PIEZO1: variants seen among roughly 807,000 people sequenced by gnomAD.
PIEZO1 encodes piezo type mechanosensitive ion channel component 1 (Er blood group).
Under a neutral mutation model 297.2 loss-of-function variants are expected in PIEZO1, and 296 were observed. That is an observed-to-expected ratio of 1.00 (90% CI 0.91 to 1.10). PIEZO1 has a LOEUF of 1.10. Ranked by LOEUF, PIEZO1 falls within the 50% of genes least tolerant of loss-of-function variation. PIEZO1 has a pLI of 0.00. For synonymous variants in PIEZO1, 2,427 were observed against 1,507.5 expected, an observed-to-expected ratio of 1.61 and a Z score of -14.13; for missense variants, 5,018 against 3,455.5, an observed-to-expected ratio of 1.45 and a Z score of -11.34.
intron 44 of PIEZO1, 163 bp from the exon 45 acceptor site, chr16:88,717,374 A>G: frequency 1.5e-6 from 1 of 672,166 alleles, no homozygotes; most frequent in Admixed American, 2.1e-5. Flanking sequence ...GAGTAGAACT[A>G]AGAGTCCAGT....
intron 1 of PIEZO1, among the ~76,000 whole-genome samples, chr16:88,762,487 A>G (rs1457300123): frequency 6.6e-6 from 1 of 152,154 alleles, no homozygotes; most frequent in African/African-American, 2.4e-5. Flanking sequence ...GACCCCCTCC[A>G]GCCCCAAGGA....
intron 1 of PIEZO1, among the ~76,000 whole-genome samples, chr16:88,774,156 C>T (rs10445034): frequency 0.19 from 28,184 of 152,234 alleles, 2,989 homozygotes; most frequent in Middle Eastern, 0.3. Context: ...CTGTCACCTC[C>T]TCCTGGCCTC....
intron 18 of PIEZO1, 65 bp downstream of exon 18, chr16:88,733,523 G>C: frequency 6.5e-7 from 1 of 1,529,846 alleles, no homozygotes; most frequent in Non-Finnish European, 8.8e-7. Flanking sequence ...GGCTTGGGGA[G>C]GCCAGCTGGG....
rs564437852 is a variant in PIEZO1, at chr16:88,735,015, C to T, written c.1708G>A (p.Glu570Lys). Residue 570 changes from glutamate (E) to lysine (K), a missense_variant, in exon 14 of 51, where the codon GAG becomes AAG. Coordinates refer to ENST00000301015, the MANE Select transcript of PIEZO1 (RefSeq NM_001142864.4). ...RTQTLLQSLG[E>K]LVKGVYAKYW... The stretch of plus-strand genomic sequence containing the variant: ...TTGGCGTACACGCCCTTCACCAGCT[C>T]CCCCAGGCTCTGCAACAGCGTCTGC... 7.9e-5 allele frequency: 122 copies of T among 1,550,492 alleles called. No individual in the cohort carries two copies. The East Asian group carries it at 2.7e-3, about 34-fold the overall frequency.
intron 1 of PIEZO1, among the ~76,000 whole-genome samples, chr16:88,764,823 C>T (rs575438785): frequency 3.3e-5 from 5 of 152,216 alleles, no homozygotes; most frequent in South Asian, 4.1e-4. Flanking sequence ...AGCATCATGC[C>T]GTGACCTCCC....
chr16:88,725,481 T>TG lies in PIEZO1; in HGVS notation c.4096dup (p.Gln1366ProfsTer57). Reference sequence around the variant, plus strand: ...GGGGCGACTGCGGTCCACCCGGCCCTGCCTGTGCTTCTCCTGCTTGGCACG... The same window carrying TG: ...GGGGCGACTGCGGTCCACCCGGCCCTGGCCTGTGCTTCTCCTGCTTGGCACG... On this transcript the variant is annotated frameshift_variant, in exon 29 of 51. Coordinates refer to ENST00000301015, the MANE Select transcript of PIEZO1 (RefSeq NM_001142864.4). LOFTEE classifies it high-confidence loss of function. 1 of 1,524,070 alleles carries TG rather than the reference T, an allele frequency of 6.6e-7. No individual in the cohort carries two copies. Among genetic ancestry groups the TG allele is most frequent in the Non-Finnish European group, 8.8e-7 (1 of 1,131,802 alleles). The allele number at this position is 1,524,070 out of a possible 1,614,324, so 94.4% of individuals were successfully genotyped here.
In PIEZO1 at chr16:88,726,539, C is replaced by T. The variant is rs1461560705; in HGVS notation, c.3796+8G>A. 1.3e-6 allele frequency: 2 copies of T among 1,548,796 alleles called. No homozygotes were observed. Among genetic ancestry groups the T allele is most frequent in the Non-Finnish European group, 8.7e-7 (1 of 1,145,734 alleles). ...ACGCCCTCCCCCGCCACCGTCCTGG[C>T]CACTCACGGTCATAGTAGCCCTTGA... On this transcript the variant is annotated splice_region_variant and intron_variant, in intron 26 of 50. Coordinates refer to ENST00000301015, the MANE Select transcript of PIEZO1 (RefSeq NM_001142864.4).
At chr16:88,756,877 C>G (rs1430343769) in intron 1 of PIEZO1, among the ~76,000 whole-genome samples, 2 of 152,152 alleles carry the variant, frequency 1.3e-5, no homozygotes, top group Middle Eastern at 3.4e-3. Flanking sequence ...GAGATCGAGA[C>G]CATCCTGGCC....
intron 44 of PIEZO1, chr16:88,717,566 G>A (rs1317083614): frequency 3.1e-5 from 15 of 487,682 alleles, no homozygotes; most frequent in Non-Finnish European, 5.6e-5. Flanking sequence ...CGAAACTTCA[G>A]AGCTAAAACT....
At chr16:88,772,660 T>C (rs567906401) in intron 1 of PIEZO1, among the ~76,000 whole-genome samples, 1 of 151,956 alleles carries the variant, frequency 6.6e-6, no homozygotes, top group Admixed American at 6.6e-5. Context: ...GTGCCTGTAA[T>C]CTCAGCTACT....
chr16:88,742,560 C>T (rs1905755223), intron 2 of PIEZO1, 138 bp from the exon 3 acceptor site: 3 of 877,456 alleles, frequency 3.4e-6, no homozygotes, highest in Non-Finnish European at 5.1e-6. Context: ...ACTCAGGACC[C>T]CATCAGGCAG....
chr16:88,758,141 G>A (rs376987016), intron 1 of PIEZO1, among the ~76,000 whole-genome samples: 67 of 152,218 alleles, frequency 4.4e-4, no homozygotes, highest in African/African-American at 1.6e-3. Context: ...AAGCATGGGT[G>A]GGTTCCTGGA....
Position 88,736,239 on chromosome 16 carries a change from C to T in PIEZO1, c.1466G>A (p.Arg489His), listed in dbSNP as rs534638031. The change falls in exon 12 of 51, where the codon CGC becomes CAC. Residue 489 changes from arginine to histidine, a missense_variant. Physicochemically the swap from Arg to His is conservative, Grantham distance 29. Transcript: ENST00000301015. ...GCCCAGGGTGGTGGGCAGCTCAGGG[C>T]GCAGGTCCATGGCCCACACGTAGCG... is the stretch of plus-strand genomic sequence containing the variant. Reference protein sequence around the residue: ...CLRYVWAMDLRPELPTTLGPV... With the variant: ...CLRYVWAMDLHPELPTTLGPV... 114 of 1,550,062 alleles carry T rather than the reference C, an allele frequency of 7.4e-5. No individual in the cohort carries two copies. The highest frequency in any genetic ancestry group is 2.2e-4 in the African/African-American group (16 of 73,150).
chr16:88,730,552 T>G (rs908285048), intron 22 of PIEZO1, among the ~76,000 whole-genome samples: 14 of 144,262 alleles, frequency 9.7e-5, no homozygotes, highest in Non-Finnish European at 2.1e-4. Flanking sequence ...GAGCCGAGAT[T>G]GTGCCAGTGT....
rs1369770942 is a variant in PIEZO1 at position 88,737,778 on chromosome 16, G to A, written c.1057C>T (p.Leu353=). 2 of 1,535,664 alleles carry A rather than the reference G, an allele frequency of 1.3e-6. No individual in the cohort carries two copies. Among genetic ancestry groups the A allele is most frequent in the African/African-American group, 1.4e-5 (1 of 73,032 alleles). ...EAAKGYEARE[L]ELAELDQWPQ... ...CACTGGTCCAGCTCTGCTAGCTCCAGCTCCCGAGCCTCATACCCCTTTGCC... is the reference window on the plus strand; with the variant it reads ...CACTGGTCCAGCTCTGCTAGCTCCAACTCCCGAGCCTCATACCCCTTTGCC... Residue 353 remains leucine (L), a synonymous_variant, in exon 9 of 51, where the codon CTG becomes TTG. Coordinates refer to ENST00000301015, the MANE Select transcript of PIEZO1 (RefSeq NM_001142864.4).
chr16:88,734,534 C>T lies in PIEZO1; in HGVS notation c.2002G>A (p.Gly668Arg). 8 of 1,542,550 alleles carry T rather than the reference C, an allele frequency of 5.2e-6. No homozygotes were observed. The highest frequency in any genetic ancestry group is 7.0e-6 in the Non-Finnish European group (8 of 1,142,264). Reference protein sequence around the residue: ...NLTGFTDEQLGDLGLEQFSVS... With the variant: ...NLTGFTDEQLRDLGLEQFSVS... ...CTGAACTGCTCCAGGCCCAGGTCCC[C>T]CAGCCTGTGGAGGGGCAGCATCAGC... The change falls in exon 16 of 51, where the codon GGG (glycine) becomes AGG (arginine). Residue 668 changes from glycine (G) to arginine (R), a missense_variant. Transcript: ENST00000301015.
chr16:88,743,051 C>CCT (rs749611865), intron 2 of PIEZO1: 7 of 447,348 alleles, frequency 1.6e-5, no homozygotes, highest in East Asian at 7.1e-5. Flanking sequence ...AGACCGGCAT[C>CCT]CTCTCTCTCT....
At chr16:88,732,815 C>G in intron 19 of PIEZO1, 83 bp from the exon 20 acceptor site, 1 of 1,367,070 alleles carries the variant, frequency 7.3e-7, no homozygotes, top group Non-Finnish European at 9.8e-7. Flanking sequence ...AGCCACAGCT[C>G]TGGGGCAGGT....
intron 1 of PIEZO1, among the ~76,000 whole-genome samples, chr16:88,751,579 G>C (rs1479839679): frequency 6.6e-6 from 1 of 152,028 alleles, no homozygotes; most frequent in South Asian, 2.1e-4. Flanking sequence ...CCTCCCTGAA[G>C]TTAAGATCCC....
Sources: gnomAD v4.1 joint callset for allele counts (sites outside exome capture counted in the v4.1 genomes callset) on GRCh38, gnomAD v4.1.1 for gene constraint, MANE v1.5 for transcripts, NCBI Gene and HGNC (gene_info 2026-07-23, HGNC 2026-07-21) for gene names.